The following DEFB1 variants were observed in gnomAD, a reference collection of about 807,000 sequenced individuals.
DEFB1 encodes beta-defensin 1.
A neutral mutation model predicts 2.6 loss-of-function variants in DEFB1; 4 were observed. That is an observed-to-expected ratio of 1.53 (90% CI 0.76 to 3.51). The LOEUF (loss-of-function observed/expected upper bound fraction) is 3.51, where lower values mean the gene tolerates loss of function less well. DEFB1 is among the 30% of genes most tolerant of loss of function. The pLI, the probability that DEFB1 is intolerant of heterozygous loss-of-function variation, is 0.01. For synonymous variants in DEFB1, 56 were observed against 28.5 expected, an observed-to-expected ratio of 1.96 and a Z score of -3.07; for missense variants, 162 against 76.9, an observed-to-expected ratio of 2.11 and a Z score of -4.14.
chr8:6,874,017 C>G (rs944013074), intron 1 of DEFB1, among the ~76,000 whole-genome samples: 2 of 152,080 alleles, frequency 1.3e-5, no homozygotes, highest in Non-Finnish European at 2.9e-5. Flanking sequence ...CTCTTACGTG[C>G]TTCTTAAGGA....
At chr8:6,874,534 C>T (rs1477929207) in intron 1 of DEFB1, among the ~76,000 whole-genome samples, 1 of 152,048 alleles carries the variant, frequency 6.6e-6, no homozygotes, top group Admixed American at 6.5e-5. Context: ...AAGTGTAGAG[C>T]GTCTGTAATT....
intron 1 of DEFB1, among the ~76,000 whole-genome samples, chr8:6,877,015 A>G (rs768659735): frequency 2.6e-5 from 4 of 152,172 alleles, no homozygotes; most frequent in Non-Finnish European, 4.4e-5. Flanking sequence ...TTACAATAGG[A>G]TCTTACAGAG....
chr8:6,870,649 C>G lies in DEFB1; in HGVS notation c.*32G>C, dbSNP rs766660728. The G allele has an allele frequency of 4.4e-6, 7 of 1,601,006 alleles. No homozygotes were observed. In the Middle Eastern group the frequency reaches 1.0e-3, roughly 229 times the overall value. Reference sequence around the variant, plus strand: ...GAATGCTTATAAAAAGTTCATTTCACTTCTGCGTCATTTCTTCTGGTCACT... The same window carrying G: ...GAATGCTTATAAAAAGTTCATTTCAGTTCTGCGTCATTTCTTCTGGTCACT... On this transcript the variant is annotated 3_prime_UTR_variant, in exon 2 of 2. Transcript: ENST00000297439.
At chr8:6,872,539 G>C (rs536894454) in intron 1 of DEFB1, among the ~76,000 whole-genome samples, 63 of 152,258 alleles carry the variant, frequency 4.1e-4, no homozygotes, top group African/African-American at 1.3e-3. Context: ...AGAATGAAGA[G>C]GTTTGGGAAG....
At chr8:6,876,418 A>G (rs539139605) in intron 1 of DEFB1, among the ~76,000 whole-genome samples, 1 of 152,030 alleles carries the variant, frequency 6.6e-6, no homozygotes. Context: ...TGGAGGTTGC[A>G]GTGAGCTGAG....
intron 1 of DEFB1, among the ~76,000 whole-genome samples, chr8:6,871,662 G>C (rs1007214090): frequency 1.3e-5 from 2 of 152,084 alleles, no homozygotes; most frequent in African/African-American, 4.8e-5. Flanking sequence ...ACGGTCATTG[G>C]GGTGTGCTCT....
At chr8:6,871,860 G>A (rs769290462) in intron 1 of DEFB1, among the ~76,000 whole-genome samples, 12 of 152,130 alleles carry the variant, frequency 7.9e-5, no homozygotes, top group Non-Finnish European at 1.8e-4. Flanking sequence ...ATAAATTTCT[G>A]TTGTTTAAAC....
At chr8:6,873,473 C>T (rs1350416993) in intron 1 of DEFB1, among the ~76,000 whole-genome samples, 1 of 152,190 alleles carries the variant, frequency 6.6e-6, no homozygotes, top group East Asian at 1.9e-4. Context: ...AACCACTCAA[C>T]CTCTCTAGGC....
rs1806271801 is a variant in DEFB1 at position 6,870,622 on chromosome 8, A to G, written c.*59T>C. The stretch of plus-strand genomic sequence containing the variant: ...TTCAAAAGCAATTTTCCTTTATTAA[A>G]AGAATGCTTATAAAAAGTTCATTTC... On this transcript the variant is annotated 3_prime_UTR_variant, in exon 2 of 2. Coordinates refer to ENST00000297439, the MANE Select transcript of DEFB1 (RefSeq NM_005218.4). 9 of 1,576,542 alleles carry G rather than the reference A, an allele frequency of 5.7e-6. No individual in the cohort carries two copies. The highest frequency in any genetic ancestry group is 7.7e-6 in the Non-Finnish European group (9 of 1,164,496).
chr8:6,873,831 C>T (rs981192905), intron 1 of DEFB1, among the ~76,000 whole-genome samples: 1 of 152,202 alleles, frequency 6.6e-6, no homozygotes, highest in African/African-American at 2.4e-5. Context: ...GACACTGAAG[C>T]TTCTGGTCCA....
intron 1 of DEFB1, among the ~76,000 whole-genome samples, chr8:6,875,316 A>C (rs1433419755): frequency 6.6e-6 from 1 of 152,204 alleles, no homozygotes; most frequent in Non-Finnish European, 1.5e-5. Context: ...GAAAGTTTCC[A>C]TTAAGAGAGT....
At chr8:6,872,025 G>A (rs1344570145) in intron 1 of DEFB1, among the ~76,000 whole-genome samples, 1 of 152,212 alleles carries the variant, frequency 6.6e-6, no homozygotes, top group Non-Finnish European at 1.5e-5. Context: ...TGTCTCATCA[G>A]TAACTTCCAT....
chr8:6,870,733 A>T lies in DEFB1; in HGVS notation c.155T>A (p.Phe52Tyr). The change falls in exon 2 of 2, where the codon TTT becomes TAT. Residue 52 changes from phenylalanine (F) to tyrosine (Y), a missense_variant. Transcript: ENST00000297439. ...GTAACAGGTGCCTTGAATTTTGGTAAAGATCGGGCAGGCAGAATAGAGACA... is the reference window on the plus strand; with the variant it reads ...GTAACAGGTGCCTTGAATTTTGGTATAGATCGGGCAGGCAGAATAGAGACA... ...GQCLYSACPIFTKIQGTCYRG... is the reference protein window; with the variant it reads ...GQCLYSACPIYTKIQGTCYRG... 1 of 1,614,250 alleles carries T rather than the reference A, an allele frequency of 6.2e-7. No homozygotes were observed. Among genetic ancestry groups the T allele is most frequent in the Non-Finnish European group, 8.5e-7 (1 of 1,180,052 alleles).
At chr8:6,873,683 G>T (rs1023339038) in intron 1 of DEFB1, among the ~76,000 whole-genome samples, 4 of 152,144 alleles carry the variant, frequency 2.6e-5, no homozygotes, top group African/African-American at 9.7e-5. Flanking sequence ...AGAGGGGAAA[G>T]GAGGCAGAGG....
At chr8:6,876,082 A>G (rs1330314387) in intron 1 of DEFB1, among the ~76,000 whole-genome samples, 1 of 152,230 alleles carries the variant, frequency 6.6e-6, no homozygotes, top group African/African-American at 2.4e-5. Context: ...TCTCACTGCT[A>G]CTCAGTAAAA....
chr8:6,874,534 CGT>C (rs1806445740), intron 1 of DEFB1, among the ~76,000 whole-genome samples: 1 of 152,048 alleles, frequency 6.6e-6, no homozygotes, highest in South Asian at 2.1e-4. Flanking sequence ...AAGTGTAGAG[CGT>C]CTGTAATTAA....
intron 1 of DEFB1, among the ~76,000 whole-genome samples, chr8:6,872,190 G>T (rs1327051771): frequency 1.3e-5 from 2 of 151,962 alleles, no homozygotes; most frequent in Non-Finnish European, 2.9e-5. Context: ...TTTGAAGCCT[G>T]GTATCAATAC....
At chr8:6,872,965 A>G (rs994389177) in intron 1 of DEFB1, among the ~76,000 whole-genome samples, 5 of 152,262 alleles carry the variant, frequency 3.3e-5, no homozygotes, top group Non-Finnish European at 4.4e-5. Flanking sequence ...ATCTGTTATT[A>G]GAGAGATCAA....
At chr8:6,872,776 T>C (rs1459256081) in intron 1 of DEFB1, among the ~76,000 whole-genome samples, 1 of 152,182 alleles carries the variant, frequency 6.6e-6, no homozygotes, top group Non-Finnish European at 1.5e-5. Context: ...GATTGTACTA[T>C]GTTTTAATAA....
Sources: allele counts gnomAD v4.1 joint callset (sites outside exome capture counted in the v4.1 genomes callset), GRCh38; gene constraint gnomAD v4.1.1; transcripts MANE v1.5; gene names NCBI Gene and HGNC (gene_info 2026-07-23, HGNC 2026-07-21).